CAST: variants seen among roughly 807,000 people sequenced by gnomAD.
CAST encodes the protein calpastatin.
In CAST, 76 loss-of-function variants were observed where a neutral mutation model predicts 119.6. That is an observed-to-expected ratio of 0.64 (90% CI 0.53 to 0.77). The LOEUF (loss-of-function observed/expected upper bound fraction) is 0.77. Among genes scored for constraint, CAST ranks in the 30% least tolerant of loss-of-function variants. The probability of loss-of-function intolerance (pLI) is 0.00; values close to 1 mark genes in which losing one functional copy is unlikely to be tolerated. For missense variants in CAST, 953 were observed against 946.5 expected (o/e 1.01, Z -0.09); for synonymous variants, 319 against 331.6 (o/e 0.96, Z 0.41).
At chr5:96,568,292 C>T (rs1441790741) in intron 1 of CAST, among the ~76,000 whole-genome samples, 4 of 152,084 alleles carry the variant, frequency 2.6e-5, no homozygotes, top group Admixed American at 6.6e-5. Context: ...AGGCCGGACA[C>T]GGTGGCTCAC....
At chr5:96,663,065 C>A in intron 1 of CAST, 1 of 700,950 alleles carries the variant, frequency 1.4e-6, no homozygotes, top group Non-Finnish European at 2.6e-6. Context: ...GTGAGCCCGG[C>A]GCCTCCAACG....
intron 1 of CAST, among the ~76,000 whole-genome samples, chr5:96,624,470 A>T (rs939296740): frequency 6.6e-6 from 1 of 152,266 alleles, no homozygotes; most frequent in East Asian, 1.9e-4. Flanking sequence ...AATTATAACA[A>T]TGGTTACCAC....
chr5:96,162,546 T>A, the CAST span, among the ~76,000 whole-genome samples: 738 of 152,228 alleles, frequency 4.8e-3, 6 homozygotes, highest in East Asian at 0.012. Flanking sequence ...GCCTCCTGAG[T>A]AGCTGGGATT....
chr5:96,693,074 C>G (rs535255487), intron 2 of CAST, among the ~76,000 whole-genome samples: 7 of 152,196 alleles, frequency 4.6e-5, no homozygotes, highest in Admixed American at 2.0e-4. Context: ...TTTTCAGTGC[C>G]AGATGTCAAC....
intron 3 of CAST, among the ~76,000 whole-genome samples, chr5:96,722,355 TG>T (rs1485812640): frequency 6.6e-6 from 1 of 152,236 alleles, no homozygotes; most frequent in African/African-American, 2.4e-5. Flanking sequence ...ACAAGGTAGT[TG>T]TTAACTACTA....
At chr5:96,076,122 T>A in the CAST span, among the ~76,000 whole-genome samples, 1 of 152,188 alleles carries the variant, frequency 6.6e-6, no homozygotes, top group Non-Finnish European at 1.5e-5. Context: ...GTTTTCACTA[T>A]GGGCCAGCTG....
the CAST span, among the ~76,000 whole-genome samples, chr5:95,978,123 C>T: frequency 6.6e-6 from 1 of 152,026 alleles, no homozygotes; most frequent in Non-Finnish European, 1.5e-5. Flanking sequence ...GTGCATGTGT[C>T]TCTATGATAG....
At chr5:96,429,259 C>G in the CAST span, 1 of 1,604,624 alleles carries the variant, frequency 6.2e-7, no homozygotes, top group East Asian at 2.2e-5. Flanking sequence ...GGCACTCCTT[C>G]GAGACCTTCT....
intron 1 of CAST, chr5:96,662,850 G>T: frequency 3.6e-6 from 2 of 561,442 alleles, no homozygotes; most frequent in Non-Finnish European, 6.3e-6. Context: ...TGGACAGCGG[G>T]ATGTAGTCTT....
chr5:96,058,846 A>G, the CAST span, among the ~76,000 whole-genome samples: 1 of 152,262 alleles, frequency 6.6e-6, no homozygotes, highest in African/African-American at 2.4e-5. Context: ...ACAGAAATTA[A>G]AGTTACTCTT....
At chr5:96,045,026 G>T in the CAST span, among the ~76,000 whole-genome samples, 1 of 152,122 alleles carries the variant, frequency 6.6e-6, no homozygotes, top group Non-Finnish European at 1.5e-5. Context: ...TCTTAATATG[G>T]CTGGTGGTTT....
chr5:96,317,993 G>T, the CAST span, among the ~76,000 whole-genome samples: 1 of 152,134 alleles, frequency 6.6e-6, no homozygotes, highest in Non-Finnish European at 1.5e-5. Context: ...CACAACAACA[G>T]AAAAACAGCT....
chr5:96,145,140 A>ATGG, the CAST span, among the ~76,000 whole-genome samples: 5 of 152,326 alleles, frequency 3.3e-5, no homozygotes, highest in African/African-American at 1.2e-4. Flanking sequence ...AGCTGTCTTC[A>ATGG]GCTATCAGTT....
At chr5:96,105,169 T>C in the CAST span, among the ~76,000 whole-genome samples, 756 of 150,310 alleles carry the variant, frequency 5.0e-3, 5 homozygotes, top group Admixed American at 0.01. Flanking sequence ...TATACAATCA[T>C]GTCGTCTGCA....
At chr5:96,141,404 T>C in the CAST span, among the ~76,000 whole-genome samples, 2 of 152,230 alleles carry the variant, frequency 1.3e-5, no homozygotes, top group Non-Finnish European at 2.9e-5. Flanking sequence ...ATAAGTAACA[T>C]AGACACCTCA....
At position 96,662,394 on chromosome 5, in the gene CAST, C is replaced by A; in HGVS notation, c.-29C>A. Reference sequence around the variant, plus strand: ...CCCCGCCACTCTCCGCGGCGCATTCCGGGAGGCAGCGGCCGCAGCGGCCTC... The same window carrying A: ...CCCCGCCACTCTCCGCGGCGCATTCAGGGAGGCAGCGGCCGCAGCGGCCTC... On this transcript the variant is annotated 5_prime_UTR_variant, in exon 1 of 32. Transcript: ENST00000675179. The A allele has an allele frequency of 7.0e-7, 1 of 1,431,634 alleles. No homozygotes were observed. The highest frequency in any genetic ancestry group is 2.5e-4 in the Middle Eastern group (1 of 4,072). 88.7% of individuals were successfully genotyped at this position (1,431,634 alleles called of 1,614,324 possible).
the CAST span, among the ~76,000 whole-genome samples, chr5:96,353,015 C>A: frequency 1.3e-5 from 2 of 152,002 alleles, no homozygotes; most frequent in African/African-American, 4.8e-5. Flanking sequence ...TCAGGTAGTT[C>A]TTTACAGTAA....
At chr5:96,086,754 G>A in the CAST span, among the ~76,000 whole-genome samples, 4 of 152,054 alleles carry the variant, frequency 2.6e-5, no homozygotes, top group Non-Finnish European at 4.4e-5. Context: ...GGATAACCCC[G>A]GTGAATTAGT....
intron 1 of CAST, among the ~76,000 whole-genome samples, chr5:96,670,924 C>A (rs1749986101): frequency 6.6e-6 from 1 of 152,202 alleles, no homozygotes; most frequent in African/African-American, 2.4e-5. Context: ...CTGGCAGAAG[C>A]CCTTAGCTGG....
Sources: allele counts gnomAD v4.1 joint callset (sites outside exome capture counted in the v4.1 genomes callset), GRCh38; gene constraint gnomAD v4.1.1; transcripts MANE v1.5; gene names NCBI Gene and HGNC (gene_info 2026-07-23, HGNC 2026-07-21).